LAMA4: variants seen among roughly 807,000 people sequenced by gnomAD.
LAMA4 encodes the protein laminin subunit alpha 4.
LAMA4 carries 127 observed loss-of-function variants against 207.1 expected under a neutral mutation model. The ratio of observed to expected loss-of-function variants is 0.61; its 90% CI spans 0.53 to 0.71. LAMA4 has a LOEUF of 0.71. LAMA4 is among the 30% of genes least tolerant of loss of function. The pLI is 0.00. For missense variants in LAMA4, 2,093 were observed against 2,246.5 expected (o/e 0.93, Z 1.38); for synonymous variants, 761 against 816.0 (o/e 0.93, Z 1.15).
At chr6:112,164,706 T>C (rs1554339401) in intron 13 of LAMA4, among the ~76,000 whole-genome samples, 2 of 152,228 alleles carry the variant, frequency 1.3e-5, no homozygotes, top group African/African-American at 4.8e-5. Context: ...TTTCTACTTT[T>C]ACAAAATGTG....
At chr6:112,145,740 T>C (rs28360618) in intron 18 of LAMA4, among the ~76,000 whole-genome samples, 46,374 of 152,062 alleles carry the variant, frequency 0.3, 7,614 homozygotes, top group African/African-American at 0.43. Context: ...AAGCACAGTT[T>C]GTTTCTATTT....
At position 112,148,285 on chromosome 6, in the gene LAMA4, T is replaced by C. The variant is rs374279330; in HGVS notation, c.2225A>G (p.Asn742Ser). The C allele has an allele frequency of 2.1e-5, 34 of 1,614,100 alleles. No individual in the cohort carries two copies. The highest frequency in any genetic ancestry group is 2.7e-5 in the African/African-American group (2 of 74,948). Reference sequence around the variant, plus strand: ...CTGCTGCACCTCCATCGTCGTCCTGTTGGCTTCCTCGGTGATCAGTCTAGA... The same window carrying C: ...CTGCTGCACCTCCATCGTCGTCCTGCTGGCTTCCTCGGTGATCAGTCTAGA... ...GQSRLITEEANRTTMEVQQAT... is the reference protein window; with the variant it reads ...GQSRLITEEASRTTMEVQQAT... Residue 742 changes from asparagine to serine, a missense_variant, in exon 18 of 39, where the codon AAC becomes AGC. Coordinates refer to ENST00000230538, the MANE Select transcript of LAMA4 (RefSeq NM_001105206.3).
At chr6:112,155,876 TTC>T (rs1780682968) in intron 14 of LAMA4, 170 bp from the exon 15 acceptor site, 1 of 731,620 alleles carries the variant, frequency 1.4e-6, no homozygotes, top group African/African-American at 1.7e-5. Context: ...CTCTGCATTC[TTC>T]TGTCTTTGCT....
chr6:112,223,088 G>A (rs1447900725), intron 2 of LAMA4, among the ~76,000 whole-genome samples: 1 of 151,976 alleles, frequency 6.6e-6, no homozygotes, highest in Non-Finnish European at 1.5e-5. Flanking sequence ...TCTGCTCTGG[G>A]TTCATCTCAC....
chr6:112,239,717 A>G (rs1554367425), intron 2 of LAMA4, among the ~76,000 whole-genome samples: 2 of 152,120 alleles, frequency 1.3e-5, no homozygotes, highest in African/African-American at 2.4e-5. Context: ...ACTATTTCAG[A>G]CAAATTGTTT....
At chr6:112,233,495 A>G (rs187956751) in intron 2 of LAMA4, among the ~76,000 whole-genome samples, 1 of 152,344 alleles carries the variant, frequency 6.6e-6, no homozygotes, top group East Asian at 1.9e-4. Context: ...TTTAAGCTGT[A>G]TCTGTAACTT....
intron 28 of LAMA4, among the ~76,000 whole-genome samples, chr6:112,131,600 G>T (rs111675583): frequency 0.017 from 2,622 of 152,102 alleles, 56 homozygotes; most frequent in African/African-American, 0.058. Flanking sequence ...ATTTGGCAAG[G>T]GTTAATCTTG....
chr6:112,163,146 A>G (rs1487409185), intron 13 of LAMA4, among the ~76,000 whole-genome samples: 2 of 111,946 alleles, frequency 1.8e-5, no homozygotes, highest in African/African-American at 6.9e-5. Context: ...TATTTAAAAA[A>G]AAATTTTCTT....
At chr6:112,129,182 GTGTGCA>G in intron 30 of LAMA4, 107 bp from the exon 31 acceptor site, 1 of 522,428 alleles carries the variant, frequency 1.9e-6, no homozygotes, top group Non-Finnish European at 3.2e-6. Context: ...GTGTGTGTGT[GTGTGCA>G]TGTGTGTGTG....
rs782272670 is a variant in LAMA4, at chr6:112,114,100, G to T, written c.5302C>A (p.Pro1768Thr). The change falls in exon 38 of 39, where the codon CCT (proline) becomes ACT (threonine). Residue 1768 changes from proline (P) to threonine (T), a missense_variant. Coordinates refer to ENST00000230538, the MANE Select transcript of LAMA4 (RefSeq NM_001105206.3). ...LNPKPIDHRE[P>T]VFVGGVPESL... ...CCTGGAACACCTCCAACAAACACAG[G>T]CTCCCTGTGATCAATTGGTTTTGGA... 9 of 1,613,868 alleles carry T rather than the reference G, an allele frequency of 5.6e-6. No homozygotes were observed. The South Asian group carries it at 7.7e-5, about 14-fold the overall frequency.
chr6:112,232,911 C>G (rs1785655273), intron 2 of LAMA4, among the ~76,000 whole-genome samples: 1 of 152,174 alleles, frequency 6.6e-6, no homozygotes, highest in Admixed American at 6.5e-5. Flanking sequence ...ACTTTCATTA[C>G]AGATGTTTCC....
chr6:112,194,098 ATT>A (rs1195647164), intron 5 of LAMA4, among the ~76,000 whole-genome samples: 4 of 152,172 alleles, frequency 2.6e-5, no homozygotes, highest in Admixed American at 2.6e-4. Context: ...TGCACCTCAG[ATT>A]TATAGGCCTG....
intron 2 of LAMA4, among the ~76,000 whole-genome samples, chr6:112,222,332 G>T (rs559693976): frequency 2.0e-5 from 3 of 152,198 alleles, no homozygotes; most frequent in African/African-American, 7.2e-5. Flanking sequence ...CAGTTCAAAG[G>T]CATTTTTTTC....
intron 4 of LAMA4, among the ~76,000 whole-genome samples, chr6:112,203,294 T>C (rs1287673095): frequency 6.6e-6 from 1 of 152,000 alleles, no homozygotes; most frequent in African/African-American, 2.4e-5. Context: ...CTCGGCCCTT[T>C]GTTTGCTTAA....
At chr6:112,246,003 A>G (rs1051425441) in intron 2 of LAMA4, among the ~76,000 whole-genome samples, 10 of 152,196 alleles carry the variant, frequency 6.6e-5, no homozygotes, top group Admixed American at 2.0e-4. Flanking sequence ...CTCATGATAA[A>G]AAGACTCAGA....
At chr6:112,190,748 T>C (rs1782970097) in intron 6 of LAMA4, among the ~76,000 whole-genome samples, 1 of 152,226 alleles carries the variant, frequency 6.6e-6, no homozygotes, top group Non-Finnish European at 1.5e-5. Context: ...AGGATGGTGG[T>C]GATTAAATGG....
rs1252653199 is a variant in LAMA4, at chr6:112,117,233, G to A, written c.4981+506C>T. Among the ~76,000 whole-genome samples the A allele has an allele frequency of 1.3e-5, 2 of 152,162 alleles. No homozygotes were observed. The highest frequency in any genetic ancestry group is 2.9e-5 in the Non-Finnish European group (2 of 68,026). ...GTTATGTCCCATCATCTGGCATAGG[G>A]ACTGCCTTATGGGAGGCATACAATA... On this transcript the variant is annotated intron_variant, in intron 35 of 38. Coordinates refer to ENST00000230538, the MANE Select transcript of LAMA4 (RefSeq NM_001105206.3). This position sits in a 1 kb window ranked among gnomAD's most constrained non-coding sequence, Gnocchi z 4.5.
chr6:112,187,548 A>G lies in LAMA4; in HGVS notation c.868T>C (p.Ser290Pro), dbSNP rs782433369. The change falls in exon 8 of 39, where the codon TCC becomes CCC. Residue 290 changes from serine (S) to proline (P), a missense_variant. By Grantham distance (74) the Ser-to-Pro change is moderately conservative (BLOSUM62 -1). Transcript: ENST00000230538. ...LTDDLRLAAL[S>P]IEEGKSGVLS... ...ACCCCGGATTTGCCTTCCTCGATGGAGAGCGCTGCTAACCGCAGGTCATCA... is the reference window on the plus strand; with the variant it reads ...ACCCCGGATTTGCCTTCCTCGATGGGGAGCGCTGCTAACCGCAGGTCATCA... 28 of 1,613,930 alleles carry G rather than the reference A, an allele frequency of 1.7e-5. No individual in the cohort carries two copies. The highest frequency in any genetic ancestry group is 2.3e-5 in the Non-Finnish European group (27 of 1,179,942).
chr6:112,204,289 T>C (rs1164294356), intron 4 of LAMA4, among the ~76,000 whole-genome samples: 8 of 152,172 alleles, frequency 5.3e-5, no homozygotes, highest in Admixed American at 5.2e-4. Context: ...TCGATAAATA[T>C]CTGATTGCAT....
Sources: gnomAD v4.1 joint callset for allele counts (sites outside exome capture counted in the v4.1 genomes callset) on GRCh38, gnomAD v4.1.1 for gene constraint, Gnocchi (gnomAD v3.1) non-coding constraint, MANE v1.5 for transcripts, NCBI Gene and HGNC (gene_info 2026-07-23, HGNC 2026-07-21) for gene names.